The following MCUR1 variants were observed in gnomAD, a reference collection of about 807,000 sequenced individuals.
The protein encoded by MCUR1 is mitochondrial calcium uniporter regulator 1, also known as MCU regulator 1.
Under a neutral mutation model 42.0 loss-of-function variants are expected in MCUR1, and 37 were observed. The ratio of observed to expected loss-of-function variants is 0.88; its 90% confidence interval spans 0.68 to 1.16. The LOEUF (loss-of-function observed/expected upper bound fraction) is 1.16, where lower values mean the gene tolerates loss of function less well. Among genes scored for constraint, MCUR1 ranks in the 50% most tolerant of loss-of-function variants. MCUR1 has a pLI of 0.00. For missense variants in MCUR1, 469 were observed against 468.4 expected (o/e 1.00, Z -0.01); for synonymous variants, 229 against 196.2 (o/e 1.17, Z -1.40).
intron 1 of MCUR1, among the ~76,000 whole-genome samples, chr6:13,808,289 T>G (rs1760154918): frequency 6.6e-6 from 1 of 152,196 alleles, no homozygotes; most frequent in Non-Finnish European, 1.5e-5. Flanking sequence ...CTGTGGTATC[T>G]CCTTATAGCA....
intron 1 of MCUR1, among the ~76,000 whole-genome samples, chr6:13,812,941 A>C (rs1479246322): frequency 6.6e-6 from 1 of 152,206 alleles, no homozygotes; most frequent in Non-Finnish European, 1.5e-5. Context: ...TTAAATAGTC[A>C]TGAGCCCCAC....
intron 1 of MCUR1, among the ~76,000 whole-genome samples, chr6:13,808,850 C>G (rs565954927): frequency 6.6e-6 from 1 of 152,142 alleles, no homozygotes; most frequent in Non-Finnish European, 1.5e-5. Flanking sequence ...ATGCATTGAT[C>G]TATGTGTTTG....
At position 13,811,874 on chromosome 6, in the gene MCUR1, T is replaced by C. The variant is rs540869333; in HGVS notation, c.415+2141A>G. ...GGATACTACAGTTTTTTTGTTATTG[T>C]TGTTCTTTTTCAAAAAGATTGGAAC... On this transcript the variant is annotated intron_variant, in intron 1 of 8. Coordinates refer to ENST00000379170, the MANE Select transcript of MCUR1 (RefSeq NM_001031713.4). 4.6e-5 allele frequency among the ~76,000 whole-genome samples: 7 copies of C among 152,216 alleles called. No homozygotes were observed. The East Asian group carries it at 9.7e-4, about 21-fold the overall frequency.
rs1320584371 is a variant in MCUR1 at position 13,798,824 on chromosome 6, G to C, written c.855+9C>G. 1 of 1,606,106 alleles carries C rather than the reference G, an allele frequency of 6.2e-7. No individual in the cohort carries two copies. The highest frequency in any genetic ancestry group is 1.1e-5 in the South Asian group (1 of 90,408). The stretch of plus-strand genomic sequence containing the variant: ...TAATTCATAATGTGTTTTTAGTAAA[G>C]GAACGTACCAATTCTTTTACTCTGC... On this transcript the variant is annotated intron_variant, in intron 6 of 8. Coordinates refer to ENST00000379170, the MANE Select transcript of MCUR1 (RefSeq NM_001031713.4).
chr6:13,792,895 T>C (rs1177028865), intron 7 of MCUR1, among the ~76,000 whole-genome samples: 4 of 152,012 alleles, frequency 2.6e-5, no homozygotes, highest in Admixed American at 6.6e-5. Context: ...GAGAAATGTA[T>C]GCTATAAATT....
chr6:13,807,104 C>T (rs1760127894), intron 1 of MCUR1, 60 bp from the exon 2 acceptor site: 2 of 1,524,912 alleles, frequency 1.3e-6, no homozygotes, highest in African/African-American at 1.4e-5. Flanking sequence ...AGCAACTCAG[C>T]ACCCAGAGAA....
chr6:13,814,170 C>T lies in MCUR1; in HGVS notation c.260G>A (p.Arg87Gln). Residue 87 changes from arginine to glutamine, a missense_variant, in exon 1 of 9, where the codon CGG becomes CAG. Arg to Gln is a conservative substitution (Grantham distance 43, BLOSUM62 1). Coordinates refer to ENST00000379170, the MANE Select transcript of MCUR1 (RefSeq NM_001031713.4). The stretch of plus-strand genomic sequence containing the variant: ...CGAGCGCTCCCAGTCCCCGAGCTGC[C>T]GGCGCGGGGCTGCGGCGGCCAAGCG... ...SPRLAAAAPR[R>Q]QLGDWERSRL... 1 of 1,333,642 alleles carries T rather than the reference C, an allele frequency of 7.5e-7. No homozygotes were observed. 82.6% of individuals were successfully genotyped at this position (1,333,642 alleles called of 1,614,324 possible).
intron 7 of MCUR1, among the ~76,000 whole-genome samples, chr6:13,793,108 A>T (rs1429873321): frequency 7.0e-6 from 1 of 143,090 alleles, no homozygotes; most frequent in Non-Finnish European, 1.5e-5. Context: ...CCTGGGTGAC[A>T]GAGCGAGACC....
intron 8 of MCUR1, among the ~76,000 whole-genome samples, chr6:13,791,497 A>T (rs13214714): frequency 0.047 from 7,157 of 152,268 alleles, 217 homozygotes; most frequent in African/African-American, 0.081. Context: ...CGCGAAAGTA[A>T]AATAACTCCT....
chr6:13,803,819 A>G, intron 2 of MCUR1: 1 of 985,390 alleles, frequency 1.0e-6, no homozygotes, highest in South Asian at 4.7e-5. Context: ...AACTTTTGCC[A>G]AATTTTAAAG....
rs1003865207 is a variant in MCUR1, at chr6:13,787,795, T to C, written c.*3014A>G. On this transcript the variant is annotated 3_prime_UTR_variant, in exon 9 of 9. Transcript: ENST00000379170. ...TGCCAGCCATCTTCCCCCCTCCTAG[T>C]GCTAATGCCTAATTTCCTAAAGTAA... 6.6e-6 allele frequency: 1 copy of C among 152,252 alleles called. No homozygotes were observed. Among genetic ancestry groups the C allele is most frequent in the Non-Finnish European group, 1.5e-5 (1 of 68,084 alleles). 9.4% of individuals were successfully genotyped at this position (152,252 alleles called of 1,614,324 possible).
At position 13,814,212 on chromosome 6, in the gene MCUR1, A is replaced by T; in HGVS notation, c.218T>A (p.Leu73Gln). The change falls in exon 1 of 9, where the codon CTG becomes CAG. Residue 73 changes from leucine to glutamine, a missense_variant. Transcript: ENST00000379170. ...GGCCAAGCGCGGGGAGGGCACTAGCAGGAGGAGGAGCAGCGGTGAGGCACG... is the reference window on the plus strand; with the variant it reads ...GGCCAAGCGCGGGGAGGGCACTAGCTGGAGGAGGAGCAGCGGTGAGGCACG... ...VSRASPLLLL[L>Q]LVPSPRLAAA... is the part of the protein sequence containing the mutation. The T allele has an allele frequency of 6.9e-7, 1 of 1,450,300 alleles. No individual in the cohort carries two copies. The allele number at this position is 1,450,300 out of a possible 1,614,324, so 89.8% of individuals were successfully genotyped here.
chr6:13,814,285 G>A lies in MCUR1; in HGVS notation c.145C>T (p.Leu49=). 1.3e-6 allele frequency: 2 copies of A among 1,494,550 alleles called. No homozygotes were observed. Among genetic ancestry groups the A allele is most frequent in the Non-Finnish European group, 1.8e-6 (2 of 1,128,496 alleles). The allele number at this position is 1,494,550 out of a possible 1,614,324, so 92.6% of individuals were successfully genotyped here. Residue 49 remains leucine, a synonymous_variant, in exon 1 of 9, where the codon CTG becomes TTG. Transcript: ENST00000379170. The part of the protein sequence containing the change: ...RRCLSALSDG[L]GALRPRAPAA... ...GGGGCGCGAGGGCGCAGCGCCCCCA[G>A]ACCGTCGGAGAGCGCAGAGAGGCAG...
At chr6:13,797,001 C>A (rs1759871468) in intron 6 of MCUR1, among the ~76,000 whole-genome samples, 1 of 152,152 alleles carries the variant, frequency 6.6e-6, no homozygotes, top group South Asian at 2.1e-4. Context: ...GTGATTTAAT[C>A]TTTATGGGTG....
Position 13,814,259 on chromosome 6 carries a change from CGGGGCG to C in MCUR1, c.165_170del (p.Pro57_Ala58del). The C allele has an allele frequency of 6.8e-7, 1 of 1,474,916 alleles. No individual in the cohort carries two copies. The highest frequency in any genetic ancestry group is 8.9e-7 in the Non-Finnish European group (1 of 1,120,516). 91.4% of individuals were successfully genotyped at this position (1,474,916 alleles called of 1,614,324 possible). On this transcript the variant is annotated inframe_deletion, in exon 1 of 9. Transcript: ENST00000379170. ...CACGTGACACGCCGCCGCGGGCCGC[CGGGGCG>C]CGAGGGCGCAGCGCCCCCAGACCGT...
chr6:13,812,386 G>A (rs1760256881), intron 1 of MCUR1, among the ~76,000 whole-genome samples: 1 of 152,160 alleles, frequency 6.6e-6, no homozygotes, highest in African/African-American at 2.4e-5. Flanking sequence ...TTTTTATGAT[G>A]ACTGAAGAAT....
chr6:13,795,004 T>A (rs903717683), intron 6 of MCUR1, among the ~76,000 whole-genome samples: 5 of 151,982 alleles, frequency 3.3e-5, no homozygotes, highest in Non-Finnish European at 7.4e-5. Flanking sequence ...GTAATTTGAA[T>A]GACGACTTTT....
chr6:13,802,170 A>G, intron 3 of MCUR1, 73 bp downstream of exon 3: 2 of 1,231,430 alleles, frequency 1.6e-6, no homozygotes, highest in Non-Finnish European at 2.3e-6. Context: ...CCAAAAAATT[A>G]TATTAAAACA....
intron 4 of MCUR1, 56 bp from the exon 5 acceptor site, chr6:13,800,438 A>G: frequency 2.1e-6 from 2 of 969,352 alleles, no homozygotes; most frequent in Non-Finnish European, 3.1e-6. Flanking sequence ...CGTAGTAACC[A>G]ACAAATATTA....
Sources: gnomAD v4.1 joint callset for allele counts (sites outside exome capture counted in the v4.1 genomes callset) on GRCh38, gnomAD v4.1.1 for gene constraint, MANE v1.5 for transcripts, NCBI Gene and HGNC (gene_info 2026-07-23, HGNC 2026-07-21) for gene names.